The following HIBADH variants were observed in gnomAD, a reference collection of about 807,000 sequenced individuals.
The protein encoded by HIBADH is 3-hydroxyisobutyrate dehydrogenase, mitochondrial.
HIBADH carries 25 observed loss-of-function variants against 36.1 expected under a neutral mutation model. The observed-to-expected ratio is 0.69, with a 90% CI of 0.50 to 0.97. The LOEUF is 0.97. Ranked by LOEUF, HIBADH falls within the 50% of genes least tolerant of loss-of-function variation. The pLI is 0.00. For missense variants in HIBADH, 421 were observed against 418.0 expected (o/e 1.01, Z -0.06); for synonymous variants, 160 against 149.5 (o/e 1.07, Z -0.51).
At chr7:27,574,026 TTAGAAAAAC>T (rs1349133887) in intron 4 of HIBADH, among the ~76,000 whole-genome samples, 1 of 152,104 alleles carries the variant, frequency 6.6e-6, no homozygotes, top group African/African-American at 2.4e-5. Flanking sequence ...ACCTAAAAGA[TTAGAAAAAC>T]TGAAATTGTA....
chr7:27,622,641 T>G (rs1281232834), intron 4 of HIBADH, among the ~76,000 whole-genome samples: 1 of 152,094 alleles, frequency 6.6e-6, no homozygotes, highest in African/African-American at 2.4e-5. Context: ...CAGAGACTAT[T>G]ATGAACTACT....
chr7:27,539,725 T>A (rs1337603550), intron 5 of HIBADH, among the ~76,000 whole-genome samples: 1 of 152,160 alleles, frequency 6.6e-6, no homozygotes, highest in African/African-American at 2.4e-5. Flanking sequence ...TGTATAACTT[T>A]TGACTCTCCA....
intron 4 of HIBADH, among the ~76,000 whole-genome samples, chr7:27,552,497 A>G (rs947434127): frequency 6.6e-6 from 1 of 152,176 alleles, no homozygotes; most frequent in Non-Finnish European, 1.5e-5. Context: ...CTTGTCTTTC[A>G]GGGGCATGTT....
At chr7:27,643,138 TG>T (rs564969968) in intron 2 of HIBADH, among the ~76,000 whole-genome samples, 79 of 152,370 alleles carry the variant, frequency 5.2e-4, no homozygotes, top group Non-Finnish European at 3.7e-4. Context: ...GTGACTGTCT[TG>T]TTCTGAGCTA....
intron 4 of HIBADH, among the ~76,000 whole-genome samples, chr7:27,557,718 C>T (rs569611724): frequency 6.6e-6 from 1 of 152,238 alleles, no homozygotes; most frequent in East Asian, 1.9e-4. Context: ...TATAAGGGGG[C>T]CTAATCCCAT....
At chr7:27,612,314 T>C (rs1240545965) in intron 4 of HIBADH, among the ~76,000 whole-genome samples, 1 of 151,674 alleles carries the variant, frequency 6.6e-6, no homozygotes, top group East Asian at 1.9e-4. Flanking sequence ...ATTCTCTTTT[T>C]CTTTTCCTTT....
At chr7:27,538,504 G>T in intron 5 of HIBADH, 87 bp from the exon 6 acceptor site, 1 of 1,063,850 alleles carries the variant, frequency 9.4e-7, no homozygotes, top group Non-Finnish European at 1.4e-6. Flanking sequence ...TCCAGGGGCT[G>T]CTTTCTAAAA....
intron 4 of HIBADH, among the ~76,000 whole-genome samples, chr7:27,570,304 T>C (rs1784610489): frequency 6.6e-6 from 1 of 152,224 alleles, no homozygotes; most frequent in Non-Finnish European, 1.5e-5. Flanking sequence ...TTCTTGGTTC[T>C]GTTGGATGCA....
intron 4 of HIBADH, among the ~76,000 whole-genome samples, chr7:27,617,028 G>A (rs1785443544): frequency 6.6e-6 from 1 of 152,152 alleles, no homozygotes; most frequent in Non-Finnish European, 1.5e-5. Flanking sequence ...TAAGAATACA[G>A]TGTTTATCAA....
At chr7:27,626,651 A>G (rs1354274892) in intron 4 of HIBADH, among the ~76,000 whole-genome samples, 1 of 152,198 alleles carries the variant, frequency 6.6e-6, no homozygotes, top group Non-Finnish European at 1.5e-5. Context: ...TGAAGAAACC[A>G]ATTGCTTCTC....
chr7:27,542,891 A>C, intron 5 of HIBADH, 76 bp downstream of exon 5: 9 of 1,415,506 alleles, frequency 6.4e-6, no homozygotes, highest in Non-Finnish European at 6.8e-6. Flanking sequence ...AAGAATAAAA[A>C]TATGGTCAGG....
chr7:27,640,639 A>G (rs1785942414), intron 2 of HIBADH, among the ~76,000 whole-genome samples: 1 of 152,192 alleles, frequency 6.6e-6, no homozygotes, highest in Non-Finnish European at 1.5e-5. Flanking sequence ...GGGCCTGAAT[A>G]AACTCTATAC....
rs755544018 is a variant in HIBADH, at chr7:27,662,746, G to C, written c.43C>G (p.Arg15Gly). 4 of 1,430,280 alleles carry C rather than the reference G, an allele frequency of 2.8e-6. No homozygotes were observed. The South Asian group carries it at 4.3e-5, about 15-fold the overall frequency. 88.6% of individuals were successfully genotyped at this position (1,430,280 alleles called of 1,614,324 possible). A position where few individuals can be genotyped will look rare whatever the true frequency, so the allele number is the denominator to read the frequency against. The change falls in exon 1 of 8, where the codon CGG (arginine) becomes GGG (glycine). Residue 15 changes from arginine to glycine, a missense_variant. Coordinates refer to ENST00000265395, the MANE Select transcript of HIBADH (RefSeq NM_152740.4). Reference protein sequence around the residue: ...LRLLGAASGLRYWSRRLRPAA... With the variant: ...LRLLGAASGLGYWSRRLRPAA... The stretch of plus-strand genomic sequence containing the variant: ...GGCCGCAGCCGCCGGCTCCAGTACC[G>C]GAGACCGGAGGCAGCTCCGAGGAGC...
intron 4 of HIBADH, among the ~76,000 whole-genome samples, chr7:27,613,546 C>G (rs1242193387): frequency 6.6e-6 from 1 of 151,914 alleles, no homozygotes; most frequent in Non-Finnish European, 1.5e-5. Flanking sequence ...TAAGAAATTT[C>G]CAGTTGATCT....
chr7:27,553,208 AAAG>A (rs1193366043), intron 4 of HIBADH, among the ~76,000 whole-genome samples: 3 of 152,218 alleles, frequency 2.0e-5, no homozygotes, highest in African/African-American at 7.2e-5. Context: ...GTTAAATATT[AAAG>A]AAGGAAATTA....
intron 4 of HIBADH, among the ~76,000 whole-genome samples, chr7:27,564,882 AAAT>A (rs1289992385): frequency 3.3e-5 from 5 of 152,228 alleles, no homozygotes; most frequent in African/African-American, 1.2e-4. Flanking sequence ...AAACAAATGT[AAAT>A]AATAATGTTT....
chr7:27,622,640 T>C (rs1490846767), intron 4 of HIBADH, among the ~76,000 whole-genome samples: 2 of 152,002 alleles, frequency 1.3e-5, no homozygotes, highest in East Asian at 3.9e-4. Flanking sequence ...TCAGAGACTA[T>C]TATGAACTAC....
At chr7:27,546,222 C>A (rs1784233861) in intron 4 of HIBADH, among the ~76,000 whole-genome samples, 1 of 152,120 alleles carries the variant, frequency 6.6e-6, no homozygotes, top group South Asian at 2.1e-4. Flanking sequence ...CCCACCTCAG[C>A]CTTTCGAGTA....
chr7:27,615,314 C>T (rs4722724), intron 4 of HIBADH, among the ~76,000 whole-genome samples: 108,897 of 152,042 alleles, frequency 0.72, 39,119 homozygotes, highest in East Asian at 0.94. Flanking sequence ...GATTCTAGTC[C>T]TAGAGTTGCT....
Sources: allele counts gnomAD v4.1 joint callset (sites outside exome capture counted in the v4.1 genomes callset), GRCh38; gene constraint gnomAD v4.1.1; transcripts MANE v1.5; gene names NCBI Gene and HGNC (gene_info 2026-07-23, HGNC 2026-07-21).